The following RTTN variants were observed in gnomAD, a reference collection of about 807,000 sequenced individuals.
RTTN encodes the protein rotatin.
A neutral mutation model predicts 269.2 loss-of-function variants in RTTN; 182 were observed. That is an observed-to-expected ratio of 0.68 (90% confidence interval 0.60 to 0.76). The LOEUF (loss-of-function observed/expected upper bound fraction) is 0.76, where lower values mean the gene tolerates loss of function less well. Among genes scored for constraint, RTTN ranks in the 30% least tolerant of loss-of-function variants. The pLI, the probability that RTTN is intolerant of heterozygous loss-of-function variation, is 0.00. For missense variants in RTTN, 2,545 were observed against 2,608.6 expected (o/e 0.98, Z 0.53); for synonymous variants, 1,006 against 963.5 (o/e 1.04, Z -0.82).
chr18:70,104,152 C>T (rs1030272527), intron 28 of RTTN, among the ~76,000 whole-genome samples: 20 of 152,236 alleles, frequency 1.3e-4, no homozygotes, highest in African/African-American at 4.6e-4. Flanking sequence ...GGTCTTTTCA[C>T]ATAGTCCCGT....
At chr18:70,109,039 A>G (rs1475725179) in intron 28 of RTTN, among the ~76,000 whole-genome samples, 1 of 152,218 alleles carries the variant, frequency 6.6e-6, no homozygotes, top group Admixed American at 6.5e-5. Context: ...CCAAAAGATA[A>G]GAATGTTCAT....
At chr18:70,183,287 G>A (rs1314904492) in intron 10 of RTTN, among the ~76,000 whole-genome samples, 1 of 152,210 alleles carries the variant, frequency 6.6e-6, no homozygotes, top group Non-Finnish European at 1.5e-5. Context: ...GGAATTGTGG[G>A]AGAGCTATGC....
chr18:70,070,721 T>C (rs2058271954), intron 34 of RTTN, among the ~76,000 whole-genome samples: 2 of 152,202 alleles, frequency 1.3e-5, no homozygotes, highest in Admixed American at 1.3e-4. Context: ...AAACTTTAGC[T>C]TTCCGTCCCA....
intron 38 of RTTN, among the ~76,000 whole-genome samples, chr18:70,052,538 A>G (rs1357014107): frequency 6.6e-6 from 1 of 151,978 alleles, no homozygotes; most frequent in Non-Finnish European, 1.5e-5. Context: ...AGAGCCGAAT[A>G]AAACATTTAA....
intron 26 of RTTN, among the ~76,000 whole-genome samples, chr18:70,120,783 G>T (rs1321999224): frequency 1.3e-5 from 2 of 152,172 alleles, no homozygotes; most frequent in Non-Finnish European, 2.9e-5. Flanking sequence ...AGGCACGGTG[G>T]CTCACGCCTG....
intron 27 of RTTN, among the ~76,000 whole-genome samples, chr18:70,111,706 T>A (rs1015247595): frequency 6.6e-6 from 1 of 152,182 alleles, no homozygotes; most frequent in Admixed American, 6.5e-5. Context: ...ACAGAGAGAA[T>A]GGAACCAACT....
chr18:70,187,127 CAAT>C (rs2061565468), intron 10 of RTTN, among the ~76,000 whole-genome samples: 1 of 152,078 alleles, frequency 6.6e-6, no homozygotes, highest in African/African-American at 2.4e-5. Flanking sequence ...TTTATATTAA[CAAT>C]AATATCCATC....
At chr18:70,161,160 C>T (rs1376902392) in intron 14 of RTTN, among the ~76,000 whole-genome samples, 1 of 151,954 alleles carries the variant, frequency 6.6e-6, no homozygotes, top group Non-Finnish European at 1.5e-5. Context: ...ACACAGGCCA[C>T]TAGAACAGGT....
rs574063090 is a variant in RTTN, at chr18:70,169,965, A to C, written c.1477-898T>G. On this transcript the variant is annotated intron_variant, in intron 11 of 48. Coordinates refer to ENST00000640769, the MANE Select transcript of RTTN (RefSeq NM_173630.4). ...TACCTGAAAGTCTAAGAGCTGAATCAGCTAAACAACGATACCTTTAAATGA... is the reference window on the plus strand; with the variant it reads ...TACCTGAAAGTCTAAGAGCTGAATCCGCTAAACAACGATACCTTTAAATGA... Among the ~76,000 whole-genome samples the C allele has an allele frequency of 2.6e-5, 4 of 152,344 alleles. No individual in the cohort carries two copies. The South Asian group carries it at 8.3e-4, about 32-fold the overall frequency.
chr18:70,195,028 A>AT (rs2061770012), intron 7 of RTTN, among the ~76,000 whole-genome samples: 1 of 152,168 alleles, frequency 6.6e-6, no homozygotes, highest in African/African-American at 2.4e-5. Context: ...GGGAAAAAAA[A>AT]CTCTCCAAGA....
intron 40 of RTTN, 110 bp from the exon 41 acceptor site, chr18:70,031,091 CAT>C: frequency 1.5e-6 from 1 of 651,818 alleles, no homozygotes. Context: ...TTTCAACTAT[CAT>C]GTGAAATTCA....
intron 30 of RTTN, among the ~76,000 whole-genome samples, chr18:70,089,013 T>C (rs966765772): frequency 2.0e-5 from 3 of 152,216 alleles, no homozygotes; most frequent in African/African-American, 7.2e-5. Context: ...CTTTTTATTT[T>C]TTTCAAAATT....
chr18:70,121,296 C>T (rs1198177430), intron 26 of RTTN, among the ~76,000 whole-genome samples: 2 of 152,136 alleles, frequency 1.3e-5, no homozygotes, highest in Non-Finnish European at 2.9e-5. Flanking sequence ...CTTAAAAATA[C>T]AGTTGCAGCA....
chr18:70,177,274 C>T (rs1431090866), intron 10 of RTTN, among the ~76,000 whole-genome samples: 1 of 152,098 alleles, frequency 6.6e-6, no homozygotes, highest in Non-Finnish European at 1.5e-5. Context: ...TGCATTAGTA[C>T]AAGAGACATG....
chr18:70,036,685 G>T (rs574390272), intron 40 of RTTN, among the ~76,000 whole-genome samples: 1 of 152,200 alleles, frequency 6.6e-6, no homozygotes, highest in South Asian at 2.1e-4. Context: ...CATGTACCCC[G>T]AACCTAACAG....
chr18:70,042,777 C>T (rs938173973), intron 40 of RTTN, among the ~76,000 whole-genome samples: 3 of 152,162 alleles, frequency 2.0e-5, no homozygotes, highest in African/African-American at 7.2e-5. Flanking sequence ...TCTCACTAGC[C>T]TAACTATAAA....
In RTTN at chr18:70,196,580, G is replaced by A. The variant is rs376038753; in HGVS notation, c.762C>T (p.Ser254=). The A allele has an allele frequency of 2.4e-5, 38 of 1,606,848 alleles. No homozygotes were observed. In the African/African-American group the frequency reaches 4.5e-4, roughly 19 times the overall value. The change falls in exon 7 of 49, where the codon TCC becomes TCT. Residue 254 remains serine (S), a synonymous_variant. Transcript: ENST00000640769. ...GKHRLALQSV[S]CLQQLCMYLR... is the part of the protein sequence containing the mutation. ...AATACATGCACAGCTGCTGCAGGCA[G>A]GACACCGACTGTAATGCCAGGCGAT...
chr18:70,083,905 C>CTTT (rs5825988), intron 32 of RTTN, among the ~76,000 whole-genome samples: 1 of 145,328 alleles, frequency 6.9e-6, no homozygotes. Context: ...GAGACCCCAT[C>CTTT]TTTTTTTTTT....
chr18:70,137,901 G>T (rs1161401828), intron 21 of RTTN, among the ~76,000 whole-genome samples: 2 of 152,134 alleles, frequency 1.3e-5, no homozygotes, highest in Non-Finnish European at 2.9e-5. Flanking sequence ...TAACCCAAGG[G>T]CCTAGCATTG....
Sources: gnomAD v4.1 joint callset for allele counts (sites outside exome capture counted in the v4.1 genomes callset) on GRCh38, gnomAD v4.1.1 for gene constraint, MANE v1.5 for transcripts, NCBI Gene and HGNC (gene_info 2026-07-23, HGNC 2026-07-21) for gene names.